CAMK2D: variants seen among roughly 807,000 people sequenced by gnomAD.
CAMK2D encodes calcium/calmodulin dependent protein kinase II delta.
CAMK2D carries 37 observed loss-of-function variants against 84.0 expected under a neutral mutation model. The ratio of observed to expected loss-of-function variants is 0.44; its 90% confidence interval spans 0.34 to 0.58. The LOEUF (loss-of-function observed/expected upper bound fraction) is 0.58, where lower values mean the gene tolerates loss of function less well. Among genes scored for constraint, CAMK2D ranks in the 20% least tolerant of loss-of-function variants. CAMK2D has a pLI of 0.02. For synonymous variants in CAMK2D, 202 were observed against 212.5 expected (o/e 0.95, Z 0.43); for missense variants, 448 against 652.5 (o/e 0.69, Z 3.41).
intron 2 of CAMK2D, 90 bp from the exon 3 acceptor site, chr4:113,661,862 G>T: frequency 1.6e-6 from 1 of 626,914 alleles, no homozygotes; most frequent in Non-Finnish European, 2.9e-6. Context: ...AAAGGCCTTT[G>T]CATTTACTTA....
At chr4:113,483,089 A>G (rs2097721282) in intron 16 of CAMK2D, among the ~76,000 whole-genome samples, 1 of 152,240 alleles carries the variant, frequency 6.6e-6, no homozygotes. Flanking sequence ...ACTCTGGAAG[A>G]AACTTTAACA....
At chr4:113,485,571 T>C (rs2097758335) in intron 16 of CAMK2D, among the ~76,000 whole-genome samples, 1 of 152,332 alleles carries the variant, frequency 6.6e-6, no homozygotes, top group Middle Eastern at 3.4e-3. Context: ...CTAACCATCT[T>C]TGGTCTTATA....
intron 2 of CAMK2D, among the ~76,000 whole-genome samples, chr4:113,685,780 A>C (rs1361528493): frequency 6.6e-6 from 1 of 151,970 alleles, no homozygotes; most frequent in African/African-American, 2.4e-5. Context: ...TCTACAAGCA[A>C]GGGCCAGGCA....
chr4:113,659,911 T>C (rs968942768), intron 3 of CAMK2D, among the ~76,000 whole-genome samples: 27 of 152,198 alleles, frequency 1.8e-4, no homozygotes, highest in African/African-American at 6.5e-4. Context: ...ATGTAACTTG[T>C]TGAGTGAGTG....
chr4:113,594,718 A>G (rs2098915865), intron 4 of CAMK2D, among the ~76,000 whole-genome samples: 2 of 152,200 alleles, frequency 1.3e-5, no homozygotes, highest in Non-Finnish European at 2.9e-5. Flanking sequence ...AATAGAAAAA[A>G]CTTCTAAAAC....
chr4:113,520,264 C>G lies in CAMK2D; in HGVS notation c.602-2607G>C, dbSNP rs555316744. On this transcript the variant is annotated intron_variant, in intron 8 of 20. Coordinates refer to ENST00000511664, the MANE Select transcript of CAMK2D (RefSeq NM_001321571.2). ...CTACTAAAAATACAAAAAAATTAAC[C>G]GGGCATGGTGGCACATGCCTTTAGT... Among the ~76,000 whole-genome samples the G allele has an allele frequency of 3.3e-5, 5 of 151,968 alleles. No individual in the cohort carries two copies. In the South Asian group the frequency reaches 1.0e-3, roughly 32 times the overall value.
intron 4 of CAMK2D, among the ~76,000 whole-genome samples, chr4:113,575,387 C>T (rs1240129477): frequency 6.6e-6 from 1 of 152,096 alleles, no homozygotes; most frequent in Non-Finnish European, 1.5e-5. Context: ...CCTTTGAGCT[C>T]CAAAACTTTA....
At chr4:113,566,992 T>A (rs1017712782) in intron 4 of CAMK2D, among the ~76,000 whole-genome samples, 2 of 152,072 alleles carry the variant, frequency 1.3e-5, no homozygotes, top group Non-Finnish European at 2.9e-5. Context: ...CTTGGCAGAG[T>A]ATATGCATAT....
chr4:113,690,495 T>C (rs1204229018), intron 2 of CAMK2D, among the ~76,000 whole-genome samples: 1 of 152,190 alleles, frequency 6.6e-6, no homozygotes, highest in East Asian at 1.9e-4. Flanking sequence ...GTCTTATGCC[T>C]CCAAACAAGT....
chr4:113,489,712 G>A lies in CAMK2D; in HGVS notation c.1135+10751C>T, dbSNP rs1201152333. On this transcript the variant is annotated intron_variant, in intron 16 of 20. Coordinates refer to ENST00000511664, the MANE Select transcript of CAMK2D (RefSeq NM_001321571.2). ...TCCAGTTCTAGATCCCTGAGGAATC[G>A]CCACACTGACTTCCACAATGGTTGA... is the stretch of plus-strand genomic sequence containing the variant. 1.4e-3 allele frequency among the ~76,000 whole-genome samples: 201 copies of A among 146,826 alleles called. 1 individual carries two copies. The highest frequency in any genetic ancestry group is 9.3e-4 in the Non-Finnish European group (62 of 66,776).
intron 4 of CAMK2D, among the ~76,000 whole-genome samples, chr4:113,607,062 G>A (rs1403478793): frequency 3.3e-5 from 5 of 151,868 alleles, no homozygotes; most frequent in African/African-American, 9.7e-5. Flanking sequence ...AGGGGAAATC[G>A]AGACAAGCTC....
At chr4:113,490,705 G>C (rs2097827628) in intron 16 of CAMK2D, among the ~76,000 whole-genome samples, 1 of 150,232 alleles carries the variant, frequency 6.7e-6, no homozygotes, top group Non-Finnish European at 1.5e-5. Flanking sequence ...TCATGAGGAT[G>C]GCATTGAATC....
chr4:113,700,186 C>A (rs775559070), intron 2 of CAMK2D, among the ~76,000 whole-genome samples: 11 of 152,142 alleles, frequency 7.2e-5, no homozygotes, highest in Non-Finnish European at 1.3e-4. Flanking sequence ...AAAGAGGCAA[C>A]CATTTCCCTG....
chr4:113,747,319 T>TTTTTC lies in CAMK2D; in HGVS notation c.160+12000_160+12001insGAAAA, dbSNP rs1554093408. 1.9e-3 allele frequency among the ~76,000 whole-genome samples: 283 copies of TTTTTC among 147,322 alleles called. 4 individuals carry two copies. Among genetic ancestry groups the TTTTTC allele is most frequent in the African/African-American group, 4.3e-3 (176 of 40,738 alleles). ...AGAATTTTGAACTTTTTTTTTTTTT[T>TTTTTC]AAATTCAATAGGAAAAGCGTATGCA... On this transcript the variant is annotated intron_variant, in intron 2 of 20. Coordinates refer to ENST00000511664, the MANE Select transcript of CAMK2D (RefSeq NM_001321571.2).
At chr4:113,634,919 A>C (rs2189364) in intron 3 of CAMK2D, among the ~76,000 whole-genome samples, 78,221 of 151,992 alleles carry the variant, frequency 0.51, 23,216 homozygotes, top group East Asian at 0.79. Flanking sequence ...TCTTTACCTA[A>C]AATATGCATT....
At chr4:113,576,195 C>T (rs193200462) in intron 4 of CAMK2D, among the ~76,000 whole-genome samples, 371 of 152,232 alleles carry the variant, frequency 2.4e-3, no homozygotes, top group Non-Finnish European at 4.2e-3. Flanking sequence ...GCTGCCACGC[C>T]TGGCCCCTGA....
chr4:113,598,078 G>C (rs1189584896), intron 4 of CAMK2D, among the ~76,000 whole-genome samples: 1 of 152,116 alleles, frequency 6.6e-6, no homozygotes, highest in Non-Finnish European at 1.5e-5. Flanking sequence ...ATAGCCAAGA[G>C]AATATTGATG....
At chr4:113,567,150 T>C (rs902379805) in intron 4 of CAMK2D, among the ~76,000 whole-genome samples, 7 of 150,548 alleles carry the variant, frequency 4.6e-5, no homozygotes, top group Non-Finnish European at 7.4e-5. Flanking sequence ...ACTGAGATCT[T>C]TTTTTTCTTT....
intron 2 of CAMK2D, among the ~76,000 whole-genome samples, chr4:113,713,245 T>C (rs954273093): frequency 3.3e-5 from 5 of 151,842 alleles, no homozygotes; most frequent in Admixed American, 6.6e-5. Context: ...CATTGTAAAC[T>C]AGTAGGAAAA....
Sources: allele counts gnomAD v4.1 joint callset (sites outside exome capture counted in the v4.1 genomes callset), GRCh38; gene constraint gnomAD v4.1.1; transcripts MANE v1.5; gene names NCBI Gene and HGNC (gene_info 2026-07-23, HGNC 2026-07-21).